The following SPON2 variants were observed in gnomAD, a reference collection of about 807,000 sequenced individuals.
SPON2 encodes the protein spondin-2.
Under a neutral mutation model 29.9 loss-of-function variants are expected in SPON2, and 32 were observed. The observed-to-expected ratio is 1.07, with a 90% CI of 0.81 to 1.44. The LOEUF (loss-of-function observed/expected upper bound fraction) is 1.44, where lower values mean the gene tolerates loss of function less well. Ranked by LOEUF, SPON2 falls within the 40% of genes most tolerant of loss-of-function variation. The pLI, the probability that SPON2 is intolerant of heterozygous loss-of-function variation, is 0.00. For missense variants in SPON2, 541 were observed against 455.5 expected, an observed-to-expected ratio of 1.19 and a Z score of -1.71; for synonymous variants, 248 against 209.1, an observed-to-expected ratio of 1.19 and a Z score of -1.61.
chr4:1,171,645 C>G (rs1413923263), intron 2 of SPON2, 159 bp from the exon 3 acceptor site: 1 of 824,424 alleles, frequency 1.2e-6, no homozygotes, highest in East Asian at 2.7e-5. Flanking sequence ...CCTGCCGCGA[C>G]CCACCTGCGC....
At chr4:1,207,761 CAG>C (rs1227808264) in intron 1 of SPON2, 1 of 154,254 alleles carries the variant, frequency 6.5e-6, no homozygotes, top group Non-Finnish European at 1.4e-5. Context: ...TCCTGCCTAT[CAG>C]GGATGTTTTC....
intron 5 of SPON2, 137 bp from the exon 6 acceptor site, chr4:1,167,793 A>C: frequency 1.1e-6 from 1 of 908,006 alleles, no homozygotes; most frequent in African/African-American, 1.7e-5. Context: ...GTTTCTCCGC[A>C]CAGTCGCAGA....
chr4:1,190,975 T>C lies in SPON2; in HGVS notation c.-239+4015A>G, dbSNP rs1228112627. ...ACATTTAAATATGTGGAAAGACATC[T>C]TGTGTTCCTCAATTAGAAGAATTAA... On this transcript the variant is annotated intron_variant, in intron 1 of 3. Coordinates refer to the SPON2 transcript ENST00000502483. Among the ~76,000 whole-genome samples, 3 of 152,198 alleles carry C rather than the reference T, an allele frequency of 2.0e-5. No homozygotes were observed. The East Asian group carries it at 5.8e-4, about 29-fold the overall frequency.
intron 1 of SPON2, among the ~76,000 whole-genome samples, chr4:1,190,970 A>T (rs2108665786): frequency 1.3e-5 from 2 of 152,354 alleles, no homozygotes; most frequent in East Asian, 1.9e-4. Context: ...ATGTGGAAAG[A>T]CATCTTGTGT....
intron 2 of SPON2, 87 bp downstream of exon 2, chr4:1,171,765 G>A: frequency 1.0e-6 from 1 of 972,020 alleles, no homozygotes; most frequent in South Asian, 1.3e-5. Context: ...GCCCCAGACT[G>A]GGAAGCGCCG....
intron 4 of SPON2, chr4:1,170,778 G>T: frequency 2.1e-6 from 2 of 936,196 alleles, no homozygotes; most frequent in Non-Finnish European, 3.4e-6. Context: ...TCCTCGGGAC[G>T]CGCGTCCCGC....
In SPON2 at chr4:1,202,739, A is replaced by G. The variant is rs893081802; in HGVS notation, c.-234+5141T>C. ...ACTCCGAGGCAGCTCCAACCCCACG[A>G]TGAGCCTCTGCCTGGGCCCCAAGGC... On this transcript the variant is annotated intron_variant, in intron 1 of 3. Transcript: ENST00000509233. The surrounding 1 kb of genome is among the most constrained non-coding windows in gnomAD (Gnocchi z 5.4). Among the ~76,000 whole-genome samples the G allele has an allele frequency of 2.6e-5, 4 of 152,072 alleles. No individual in the cohort carries two copies. The highest frequency in any genetic ancestry group is 9.7e-5 in the African/African-American group (4 of 41,404).
upstream of SPON2, among the ~76,000 whole-genome samples, chr4:1,177,474 T>G (rs575680360): frequency 2.6e-5 from 4 of 152,254 alleles, no homozygotes; most frequent in Non-Finnish European, 5.9e-5. Context: ...TTAAATTGGA[T>G]CTGAGCAGGC....
intron 5 of SPON2, 128 bp from the exon 6 acceptor site, chr4:1,167,784 T>A: frequency 9.9e-7 from 1 of 1,005,492 alleles, no homozygotes; most frequent in Non-Finnish European, 1.4e-6. Context: ...GGCACTTGCG[T>A]TTCTCCGCAC....
In SPON2 at chr4:1,186,037, G is replaced by A. The variant is rs574851105; in HGVS notation, c.-238-6496C>T. ...AGGCGGGCGGATCACGAGGTCAGGAGATCGAGACCATCCTGGCTAACACGG... is the reference window on the plus strand; with the variant it reads ...AGGCGGGCGGATCACGAGGTCAGGAAATCGAGACCATCCTGGCTAACACGG... On this transcript the variant is annotated intron_variant, in intron 1 of 3. Transcript: ENST00000502483. 4.1e-3 allele frequency among the ~76,000 whole-genome samples: 619 copies of A among 150,590 alleles called. 3 individuals carry two copies. Among genetic ancestry groups the A allele is most frequent in the Middle Eastern group, 6.9e-3 (2 of 290 alleles).
intron 1 of SPON2, among the ~76,000 whole-genome samples, chr4:1,191,705 A>G (rs1727917505): frequency 1.3e-5 from 2 of 152,210 alleles, no homozygotes; most frequent in South Asian, 4.1e-4. Context: ...ACCTCTGCCT[A>G]GTGGGAGTGC....
rs1223989109 is a variant in SPON2, at chr4:1,167,622, C to G, written c.846G>C (p.Leu282=). 6.2e-7 allele frequency: 1 copy of G among 1,611,858 alleles called. No homozygotes were observed. Among genetic ancestry groups the G allele is most frequent in the Non-Finnish European group, 8.5e-7 (1 of 1,178,934 alleles). ...CTCCGCACAGTCCCCAGGACGACCACAGGGAGACCTCGCAGTCCAGCGGCG... is the reference window on the plus strand; with the variant it reads ...CTCCGCACAGTCCCCAGGACGACCAGAGGGAGACCTCGCAGTCCAGCGGCG... ...PETPLDCEVS[L]WSSWGLCGGH... The change falls in exon 6 of 6, where the codon CTG becomes CTC. Residue 282 remains leucine, a synonymous_variant. Coordinates refer to ENST00000290902, the MANE Select transcript of SPON2 (RefSeq NM_012445.4).
chr4:1,199,118 G>A (rs1373920842), upstream of SPON2: 1 of 152,154 alleles, frequency 6.6e-6, no homozygotes, highest in Non-Finnish European at 1.5e-5. This position sits in a 1 kb window ranked among gnomAD's most constrained non-coding sequence, Gnocchi z 4.5. Context: ...TAAAAATCAG[G>A]CCAGGTGCGG....
At chr4:1,191,558 G>A (rs1483884316) in intron 1 of SPON2, among the ~76,000 whole-genome samples, 1 of 152,230 alleles carries the variant, frequency 6.6e-6, no homozygotes, top group East Asian at 1.9e-4. Flanking sequence ...TCCCAGTGAA[G>A]GTGCTGGAGG....
At chr4:1,196,452 A>T (rs528598018), upstream of SPON2, among the ~76,000 whole-genome samples, 1 of 152,332 alleles carries the variant, frequency 6.6e-6, no homozygotes, top group Non-Finnish European at 1.5e-5. Context: ...CATGCCGACC[A>T]AGACCCTGGG....
chr4:1,198,352 G>C (rs538098553), upstream of SPON2, among the ~76,000 whole-genome samples: 3 of 152,168 alleles, frequency 2.0e-5, no homozygotes, highest in Admixed American at 6.5e-5. Context: ...GTCCGCAGCT[G>C]ACGATGACCT....
chr4:1,204,323 T>C (rs1170375682), intron 1 of SPON2, among the ~76,000 whole-genome samples: 1 of 152,212 alleles, frequency 6.6e-6, no homozygotes, highest in Non-Finnish European at 1.5e-5. Flanking sequence ...AGAGAAATGC[T>C]ACTGTGTGAC....
intron 1 of SPON2, among the ~76,000 whole-genome samples, chr4:1,193,088 C>T (rs11724575): frequency 0.027 from 4,104 of 152,308 alleles, 96 homozygotes; most frequent in South Asian, 0.051. Context: ...TACACATGCC[C>T]GACACAGCTG....
intron 5 of SPON2, 145 bp from the exon 6 acceptor site, chr4:1,167,801 A>C: frequency 1.2e-6 from 1 of 808,352 alleles, no homozygotes; most frequent in Non-Finnish European, 1.8e-6. Context: ...GCACAGTCGC[A>C]GAGTGAGCGG....
Sources: allele counts gnomAD v4.1 joint callset (sites outside exome capture counted in the v4.1 genomes callset), GRCh38; gene constraint gnomAD v4.1.1; non-coding constraint Gnocchi (gnomAD v3.1); transcripts MANE v1.5; gene names NCBI Gene and HGNC (gene_info 2026-07-23, HGNC 2026-07-21).